RBM27: variants seen among roughly 807,000 people sequenced by gnomAD.
RBM27 encodes the protein RNA binding motif protein 27, also known as RNA-binding protein 27.
A neutral mutation model predicts 135.3 loss-of-function variants in RBM27; 22 were observed. The ratio of observed to expected loss-of-function variants is 0.16; its 90% CI spans 0.12 to 0.23. The LOEUF (loss-of-function observed/expected upper bound fraction) is 0.23. RBM27 is among the 10% of genes least tolerant of loss of function. The pLI, the probability that RBM27 is intolerant of heterozygous loss-of-function variation, is 1.00. For synonymous variants in RBM27, 481 were observed against 442.4 expected (o/e 1.09, Z -1.10); for missense variants, 1,009 against 1,281.0 (o/e 0.79, Z 3.24).
Position 146,286,121 on chromosome 5 carries a change from A to G in RBM27, c.*91A>G. The G allele has an allele frequency of 8.8e-7, 1 of 1,137,940 alleles. No homozygotes were observed. Among genetic ancestry groups the G allele is most frequent in the Non-Finnish European group, 1.2e-6 (1 of 803,962 alleles). 70.5% of individuals were successfully genotyped at this position (1,137,940 alleles called of 1,614,324 possible). A position where few individuals can be genotyped will look rare whatever the true frequency, so the allele number is the denominator to read the frequency against. On this transcript the variant is annotated 3_prime_UTR_variant, in exon 21 of 21. Transcript: ENST00000265271. ...AAAAGAAGTCAATGAGCCAAAAAAAATTTTTTTATTTTTCTTTTCAACACA... is the reference window on the plus strand; with the variant it reads ...AAAAGAAGTCAATGAGCCAAAAAAAGTTTTTTTATTTTTCTTTTCAACACA...
At chr5:146,259,449 A>T (rs1196131598) in intron 11 of RBM27, among the ~76,000 whole-genome samples, 2 of 136,794 alleles carry the variant, frequency 1.5e-5, no homozygotes, top group Non-Finnish European at 3.1e-5. Flanking sequence ...GGTTGCAGTG[A>T]GTTGAGATTG....
chr5:146,237,194 C>G, intron 7 of RBM27, 104 bp from the exon 8 acceptor site: 1 of 1,400,054 alleles, frequency 7.1e-7, no homozygotes, highest in East Asian at 2.3e-5. Flanking sequence ...CTGTCTTGGC[C>G]TCCCACAGTT....
At chr5:146,207,605 A>T (rs1220519597) in intron 1 of RBM27, among the ~76,000 whole-genome samples, 1 of 151,980 alleles carries the variant, frequency 6.6e-6, no homozygotes, top group Non-Finnish European at 1.5e-5. Flanking sequence ...GGGGATTTTT[A>T]AAATGTTACA....
At chr5:146,232,657 C>T (rs1296530946) in intron 6 of RBM27, among the ~76,000 whole-genome samples, 1 of 152,110 alleles carries the variant, frequency 6.6e-6, no homozygotes, top group Non-Finnish European at 1.5e-5. Context: ...CAACCTCTGC[C>T]TCCTGGGTTC....
rs145047476 is a variant in RBM27, at chr5:146,282,862, G to A, written c.2989-1760G>A. ...GTATGAGAATTCCTAACTTGGTAGCGTCATAATATATCTTTATTCTAATTG... is the reference window on the plus strand; with the variant it reads ...GTATGAGAATTCCTAACTTGGTAGCATCATAATATATCTTTATTCTAATTG... On this transcript the variant is annotated intron_variant, in intron 19 of 20. Coordinates refer to ENST00000265271, the MANE Select transcript of RBM27 (RefSeq NM_018989.2). Among the ~76,000 whole-genome samples, 98 of 152,206 alleles carry A rather than the reference G, an allele frequency of 6.4e-4. 1 individual carries two copies. In the East Asian group the frequency reaches 0.016, roughly 25 times the overall value.
At chr5:146,253,287 C>T (rs144792427) in intron 9 of RBM27, among the ~76,000 whole-genome samples, 2,116 of 152,166 alleles carry the variant, frequency 0.014, 53 homozygotes, top group African/African-American at 0.047. Flanking sequence ...TGAGCCACTG[C>T]GCCCGGCCCA....
intron 1 of RBM27, among the ~76,000 whole-genome samples, chr5:146,217,464 GTTTTTTTTTT>G (rs545963169): frequency 5.7e-5 from 4 of 70,746 alleles, no homozygotes; most frequent in East Asian, 4.5e-4. Context: ...GCTGAAGCCT[GTTTTTTTTTT>G]TTTTTTTTTT....
chr5:146,278,052 A>C (rs1477585137), intron 19 of RBM27, among the ~76,000 whole-genome samples: 1 of 152,208 alleles, frequency 6.6e-6, no homozygotes, highest in Non-Finnish European at 1.5e-5. Context: ...CAGCTCGCTA[A>C]ATAACCCTTC....
intron 7 of RBM27, among the ~76,000 whole-genome samples, chr5:146,236,322 A>G (rs2126771060): frequency 6.6e-6 from 1 of 152,316 alleles, no homozygotes; most frequent in Middle Eastern, 3.4e-3. Context: ...TTTTCACAGT[A>G]TGTTGCAGAC....
intron 15 of RBM27, among the ~76,000 whole-genome samples, chr5:146,268,429 A>T (rs1758714292): frequency 6.6e-6 from 1 of 151,738 alleles, no homozygotes; most frequent in African/African-American, 2.4e-5. Flanking sequence ...TTTAGTAGAG[A>T]TGGATTTTCT....
chr5:146,223,315 T>G (rs1279360358), intron 2 of RBM27, 88 bp from the exon 3 acceptor site: 1 of 1,253,046 alleles, frequency 8.0e-7, no homozygotes, highest in Non-Finnish European at 1.1e-6. Context: ...GTACAAGATG[T>G]CCTGTTTTCC....
chr5:146,204,346 G>A (rs1253508969), intron 1 of RBM27, among the ~76,000 whole-genome samples: 2 of 152,182 alleles, frequency 1.3e-5, no homozygotes, highest in African/African-American at 2.4e-5. Context: ...TTATTGGTAA[G>A]TTCTGAGGGA....
intron 9 of RBM27, among the ~76,000 whole-genome samples, chr5:146,253,015 C>G (rs965854034): frequency 6.6e-6 from 1 of 152,056 alleles, no homozygotes; most frequent in Non-Finnish European, 1.5e-5. Flanking sequence ...TTGAGACAGT[C>G]TCTCGCTCTG....
intron 7 of RBM27, among the ~76,000 whole-genome samples, chr5:146,234,109 C>G (rs1458370083): frequency 6.6e-6 from 1 of 152,052 alleles, no homozygotes; most frequent in African/African-American, 2.4e-5. Flanking sequence ...CTCAAGCAGT[C>G]CTCTCCTGCC....
At chr5:146,285,922 C>G (rs765823674) in intron 20 of RBM27, 25 bp from the exon 21 acceptor site, 3 of 1,572,070 alleles carry the variant, frequency 1.9e-6, no homozygotes, top group African/African-American at 2.7e-5. Flanking sequence ...TGCCACTAAG[C>G]AGATTTTAAC....
At chr5:146,274,788 A>G (rs1023071574) in intron 19 of RBM27, among the ~76,000 whole-genome samples, 2 of 152,110 alleles carry the variant, frequency 1.3e-5, no homozygotes, top group Admixed American at 1.3e-4. Context: ...TTATATATAT[A>G]ACAGCATAAA....
chr5:146,227,309 A>G (rs896472089), intron 3 of RBM27, among the ~76,000 whole-genome samples: 1 of 152,176 alleles, frequency 6.6e-6, no homozygotes, highest in Non-Finnish European at 1.5e-5. Flanking sequence ...AGAGTTTTTT[A>G]CTGTCTGGAT....
Position 146,229,893 on chromosome 5 carries a change from A to G in RBM27, c.572A>G (p.Asp191Gly), listed in dbSNP as rs901332995. 6.2e-7 allele frequency: 1 copy of G among 1,613,824 alleles called. No homozygotes were observed. The highest frequency in any genetic ancestry group is 1.3e-5 in the African/African-American group (1 of 74,926). Residue 191 changes from aspartate (D) to glycine (G), a missense_variant, in exon 5 of 21, where the codon GAT (aspartate) becomes GGT (glycine). By Grantham distance (94) the Asp-to-Gly change is moderately conservative (BLOSUM62 -1). This residue lies in a region of RBM27 where 268 missense variants were observed against 326.6 expected (regional missense o/e 0.82). Coordinates refer to ENST00000265271, the MANE Select transcript of RBM27 (RefSeq NM_018989.2). Reference sequence around the variant, plus strand: ...AGTAGGGGGCGCAGCAAAGACCGGGATCCAAATAGGAATGTTGGTGAGTAG... The same window carrying G: ...AGTAGGGGGCGCAGCAAAGACCGGGGTCCAAATAGGAATGTTGGTGAGTAG... ...SRSRGRSKDR[D>G]PNRNVEHRER...
At chr5:146,231,297 G>T (rs1019620628) in intron 6 of RBM27, among the ~76,000 whole-genome samples, 5 of 152,202 alleles carry the variant, frequency 3.3e-5, no homozygotes, top group Non-Finnish European at 5.9e-5. Context: ...TAGAGACAGG[G>T]TTTCACCATT....
Sources: allele counts gnomAD v4.1 joint callset (sites outside exome capture counted in the v4.1 genomes callset), GRCh38; gene constraint gnomAD v4.1.1; regional missense constraint gnomAD v4.1.1; transcripts MANE v1.5; gene names NCBI Gene and HGNC (gene_info 2026-07-23, HGNC 2026-07-21).